The following PDE1C variants were observed in gnomAD, a reference collection of about 807,000 sequenced individuals.
PDE1C encodes the protein dual specificity calcium/calmodulin-dependent 3',5'-cyclic nucleotide phosphodiesterase 1C.
Under a neutral mutation model 93.1 loss-of-function variants are expected in PDE1C, and 62 were observed. The ratio of observed to expected loss-of-function variants is 0.67; its 90% CI spans 0.54 to 0.82. PDE1C has a LOEUF of 0.82. PDE1C is among the 40% of genes least tolerant of loss of function. The probability of loss-of-function intolerance (pLI) is 0.00; values close to 1 mark genes in which losing one functional copy is unlikely to be tolerated. For synonymous variants in PDE1C, 325 were observed against 310.1 expected (o/e 1.05, Z -0.50); for missense variants, 742 against 884.6 (o/e 0.84, Z 2.04).
intron 2 of PDE1C, among the ~76,000 whole-genome samples, chr7:32,190,265 G>T (rs1474101810): frequency 1.3e-5 from 2 of 152,186 alleles, no homozygotes; most frequent in East Asian, 3.8e-4. Flanking sequence ...TCTATAGGAT[G>T]ATGTTCCCTG....
the PDE1C span, chr7:31,652,958 C>T: frequency 6.8e-7 from 1 of 1,470,544 alleles, no homozygotes; most frequent in African/African-American, 1.4e-5. Flanking sequence ...CATATTCTAC[C>T]CTTTGGTTAA....
At chr7:31,719,463 C>T in the PDE1C span, among the ~76,000 whole-genome samples, 3 of 152,208 alleles carry the variant, frequency 2.0e-5, no homozygotes, top group Non-Finnish European at 2.9e-5. Context: ...GTTTTTGCAG[C>T]GCAGTCTATG....
At position 31,772,994 on chromosome 7, in the gene PDE1C, G is replaced by C. The variant is rs563063326; in HGVS notation, c.1960+2670C>G. 1.4e-4 allele frequency among the ~76,000 whole-genome samples: 21 copies of C among 152,314 alleles called. No individual in the cohort carries two copies. The South Asian group carries it at 4.1e-3, about 30-fold the overall frequency. On this transcript the variant is annotated intron_variant, in intron 17 of 17. Coordinates refer to ENST00000396191, the MANE Select transcript of PDE1C (RefSeq NM_001191057.4). ...CTCCTGAGGCAGGAAGGGAAGTAGA[G>C]AGCTGGGTATTGCAATGAGGTGGTG...
At chr7:32,135,425 A>C (rs987042670) in intron 3 of PDE1C, among the ~76,000 whole-genome samples, 2 of 152,192 alleles carry the variant, frequency 1.3e-5, no homozygotes, top group Non-Finnish European at 2.9e-5. Flanking sequence ...TCAATAGCAA[A>C]AAAATGAAAC....
At chr7:32,199,132 T>TAA (rs754814523) in intron 2 of PDE1C, among the ~76,000 whole-genome samples, 1 of 135,814 alleles carries the variant, frequency 7.4e-6, no homozygotes, top group South Asian at 2.2e-4. Flanking sequence ...AAATAAAAAT[T>TAA]TAAAAAAAAA....
rs560247683 is a variant in PDE1C at position 31,969,606 on chromosome 7, T to C, written c.128+81948A>G. 6.2e-4 allele frequency among the ~76,000 whole-genome samples: 94 copies of C among 152,296 alleles called. 1 individual carries two copies. Among genetic ancestry groups the C allele is most frequent in the African/African-American group, 2.2e-3 (92 of 41,552 alleles). ...TGGCGATTCCTCAGGGATCTGGAAC[T>C]AGAAATACCATTTGACCCAGCCATC... is the stretch of plus-strand genomic sequence containing the variant. On this transcript the variant is annotated intron_variant, in intron 2 of 17. Transcript: ENST00000396191.
chr7:31,823,330 G>T, intron 13 of PDE1C, 82 bp from the exon 14 acceptor site: 1 of 1,091,184 alleles, frequency 9.2e-7, no homozygotes, highest in Non-Finnish European at 1.3e-6. Flanking sequence ...GAGGAGGAAT[G>T]GTTAGCACTC....
intron 16 of PDE1C, among the ~76,000 whole-genome samples, chr7:31,794,065 C>CAGAT (rs1562807767): frequency 3.4e-4 from 46 of 133,728 alleles, no homozygotes; most frequent in Non-Finnish European, 5.3e-4. Context: ...GACAGACAGA[C>CAGAT]AGACAGACAG....
chr7:32,084,964 C>T (rs1162860985), intron 3 of PDE1C, among the ~76,000 whole-genome samples: 4 of 141,554 alleles, frequency 2.8e-5, no homozygotes, highest in Admixed American at 7.0e-5. Context: ...AGAGCAAACA[C>T]ATTCAAAAGC....
chr7:32,083,255 T>C (rs1353359186), intron 3 of PDE1C, among the ~76,000 whole-genome samples: 5 of 150,918 alleles, frequency 3.3e-5, no homozygotes, highest in Admixed American at 6.6e-5. Flanking sequence ...GTATCAGTGA[T>C]GGAAGATGAA....
chr7:31,840,214 T>A (rs1349702475), intron 9 of PDE1C, among the ~76,000 whole-genome samples: 1 of 152,218 alleles, frequency 6.6e-6, no homozygotes, highest in Non-Finnish European at 1.5e-5. Flanking sequence ...AATTTACATT[T>A]CTTTGTTGAC....
chr7:32,354,382 T>C lies in PDE1C; in HGVS notation c.310+73440A>G, dbSNP rs185456649. Among the ~76,000 whole-genome samples, 3 of 152,302 alleles carry C rather than the reference T, an allele frequency of 2.0e-5. No homozygotes were observed. In the East Asian group the frequency reaches 5.8e-4, roughly 29 times the overall value. On this transcript the variant is annotated intron_variant, in intron 1 of 1. Transcript: ENST00000672256. ...TAGCTCATGCCTGTAATCTTGGTACTTCAGGAAGTCAAAGCAAGAGAATCA... is the reference window on the plus strand; with the variant it reads ...TAGCTCATGCCTGTAATCTTGGTACCTCAGGAAGTCAAAGCAAGAGAATCA...
At chr7:31,837,810 T>C (rs764066370) in intron 10 of PDE1C, 60 bp downstream of exon 10, 162 of 1,039,770 alleles carry the variant, frequency 1.6e-4, no homozygotes, top group Non-Finnish European at 2.3e-4. Flanking sequence ...GATAGCCACA[T>C]AGACGAGGAC....
At chr7:31,674,889 A>C in the PDE1C span, among the ~76,000 whole-genome samples, 1 of 152,216 alleles carries the variant, frequency 6.6e-6, no homozygotes, top group Non-Finnish European at 1.5e-5. Context: ...CAAAAGATCA[A>C]AAATCTCAAA....
chr7:31,807,509 C>G (rs1787005376), intron 16 of PDE1C, among the ~76,000 whole-genome samples: 1 of 151,902 alleles, frequency 6.6e-6, no homozygotes, highest in Admixed American at 6.6e-5. Context: ...ATATAATCCA[C>G]AATGCCCACA....
At chr7:31,743,381 G>A in the PDE1C span, among the ~76,000 whole-genome samples, 1 of 152,098 alleles carries the variant, frequency 6.6e-6, no homozygotes, top group South Asian at 2.1e-4. Context: ...TCCTTGGAAT[G>A]TGCTTATCTG....
At chr7:31,873,634 T>C (rs980756633) in intron 5 of PDE1C, among the ~76,000 whole-genome samples, 41 of 152,252 alleles carry the variant, frequency 2.7e-4, no homozygotes, top group African/African-American at 9.6e-4. Context: ...CCATAATTTA[T>C]TGAGTACCTA....
At chr7:31,816,317 G>T (rs1388996013) in intron 14 of PDE1C, among the ~76,000 whole-genome samples, 163 bp from the exon 15 acceptor site, 1 of 152,030 alleles carries the variant, frequency 6.6e-6, no homozygotes, top group Non-Finnish European at 1.5e-5. Flanking sequence ...CTTAGGAAAC[G>T]AATAAAATAG....
At chr7:31,684,609 A>G in the PDE1C span, among the ~76,000 whole-genome samples, 3 of 152,248 alleles carry the variant, frequency 2.0e-5, no homozygotes, top group African/African-American at 2.4e-5. Flanking sequence ...GACAAGAGAC[A>G]TGAAGTAACA....
Sources: gnomAD v4.1 joint callset for allele counts (sites outside exome capture counted in the v4.1 genomes callset) on GRCh38, gnomAD v4.1.1 for gene constraint, MANE v1.5 for transcripts, NCBI Gene and HGNC (gene_info 2026-07-23, HGNC 2026-07-21) for gene names.